GRIK2: variants seen among roughly 807,000 people sequenced by gnomAD.
GRIK2 encodes the protein glutamate ionotropic receptor kainate type subunit 2, also known as glutamate receptor ionotropic, kainate 2.
A neutral mutation model predicts 100.3 loss-of-function variants in GRIK2; 32 were observed. The ratio of observed to expected loss-of-function variants is 0.32; its 90% CI spans 0.24 to 0.43. GRIK2 has a LOEUF of 0.43. GRIK2 is among the 20% of genes least tolerant of loss of function. GRIK2 has a pLI of 1.00. For synonymous variants in GRIK2, 417 were observed against 389.4 expected (o/e 1.07, Z -0.83); for missense variants, 843 against 1,114.9 (o/e 0.76, Z 3.47).
At chr6:101,831,953 T>A (rs200714877) in intron 10 of GRIK2, among the ~76,000 whole-genome samples, 1 of 152,106 alleles carries the variant, frequency 6.6e-6, no homozygotes, top group African/African-American at 2.4e-5. Context: ...TTTAGATTAG[T>A]GGTGGTATTT....
At chr6:101,487,910 T>G (rs1253481599) in intron 2 of GRIK2, among the ~76,000 whole-genome samples, 1 of 146,476 alleles carries the variant, frequency 6.8e-6, no homozygotes, top group African/African-American at 2.6e-5. Context: ...TTATTTTATT[T>G]TATTAGCAGA....
intron 14 of GRIK2, among the ~76,000 whole-genome samples, chr6:101,994,738 A>AT (rs922021534): frequency 2.6e-5 from 4 of 151,706 alleles, no homozygotes; most frequent in South Asian, 2.1e-4. Flanking sequence ...CATATGCCCC[A>AT]TTTTTTCCAG....
At chr6:101,752,472 G>A (rs1776854208) in intron 7 of GRIK2, among the ~76,000 whole-genome samples, 1 of 151,938 alleles carries the variant, frequency 6.6e-6, no homozygotes, top group African/African-American at 2.4e-5. Context: ...CTTAGTCACA[G>A]TTCATAGGCT....
intron 15 of GRIK2, among the ~76,000 whole-genome samples, chr6:102,045,383 CT>C (rs1770829233): frequency 6.6e-6 from 1 of 152,086 alleles, no homozygotes; most frequent in South Asian, 2.1e-4. Context: ...TCTCTCTTCT[CT>C]TTCCATCTAC....
intron 7 of GRIK2, among the ~76,000 whole-genome samples, chr6:101,748,915 T>G (rs894208321): frequency 3.3e-5 from 5 of 152,182 alleles, no homozygotes; most frequent in Non-Finnish European, 7.3e-5. Flanking sequence ...AGCCTGACAG[T>G]AAATACTAAA....
At chr6:101,838,761 C>G (rs534803171) in intron 10 of GRIK2, among the ~76,000 whole-genome samples, 1 of 151,434 alleles carries the variant, frequency 6.6e-6, no homozygotes, top group South Asian at 2.1e-4. Context: ...CAGCAATTCT[C>G]GTGCCTCAGC....
At chr6:101,770,716 A>G (rs1403961987) in intron 7 of GRIK2, among the ~76,000 whole-genome samples, 5 of 152,156 alleles carry the variant, frequency 3.3e-5, no homozygotes, top group African/African-American at 4.8e-5. Flanking sequence ...GCAGTGTACC[A>G]TTAAAGTTTT....
intron 2 of GRIK2, among the ~76,000 whole-genome samples, chr6:101,425,179 C>T (rs559796632): frequency 9.9e-4 from 150 of 152,152 alleles, no homozygotes; most frequent in African/African-American, 3.4e-3. Context: ...TGGTATATAC[C>T]CAGTAATGGG....
chr6:101,582,889 C>G (rs1284902288), intron 2 of GRIK2, among the ~76,000 whole-genome samples: 1 of 150,830 alleles, frequency 6.6e-6, no homozygotes, highest in Non-Finnish European at 1.5e-5. Flanking sequence ...TAACCTCTTT[C>G]TTGTCCATAG....
At chr6:102,005,403 C>G (rs1444086977) in intron 14 of GRIK2, among the ~76,000 whole-genome samples, 1 of 151,852 alleles carries the variant, frequency 6.6e-6, no homozygotes, top group Admixed American at 6.6e-5. Flanking sequence ...TGATATTATA[C>G]AATTTAAGTG....
intron 7 of GRIK2, among the ~76,000 whole-genome samples, chr6:101,785,710 GTTA>G (rs759073282): frequency 2.0e-4 from 30 of 152,184 alleles, no homozygotes; most frequent in Non-Finnish European, 3.8e-4. Flanking sequence ...TGCTGTTTTA[GTTA>G]TTATAGCCTT....
chr6:102,040,354 CAAT>C (rs1029895010), intron 15 of GRIK2, among the ~76,000 whole-genome samples: 1 of 151,292 alleles, frequency 6.6e-6, no homozygotes, highest in African/African-American at 2.4e-5. Context: ...TGCTTTAAAA[CAAT>C]ATTATCTATG....
chr6:101,522,429 G>C (rs534847819), intron 2 of GRIK2, among the ~76,000 whole-genome samples: 1 of 152,084 alleles, frequency 6.6e-6, no homozygotes, highest in Non-Finnish European at 1.5e-5. Flanking sequence ...CAAGCCTATC[G>C]TGGATTGACA....
rs368733069 is a variant in GRIK2, at chr6:101,858,556, T to A, written c.1318-731T>A. 2.7e-4 allele frequency among the ~76,000 whole-genome samples: 41 copies of A among 150,762 alleles called. No individual in the cohort carries two copies. The East Asian group carries it at 6.8e-3, about 25-fold the overall frequency. ...CGCCCGCCACTACGCCCAGCTAATT[T>A]TTTTTGTATTTTTTAGTAGAGATGG... On this transcript the variant is annotated intron_variant, in intron 10 of 16. Transcript: ENST00000369134.
chr6:101,995,475 C>A (rs925525550), intron 14 of GRIK2, among the ~76,000 whole-genome samples: 1 of 151,816 alleles, frequency 6.6e-6, no homozygotes, highest in Non-Finnish European at 1.5e-5. Context: ...GATATTGACT[C>A]TTTCATCCAG....
At position 101,912,955 on chromosome 6, in the gene GRIK2, T is replaced by G. The variant is rs542710444; in HGVS notation, c.1749-11646T>G. On this transcript the variant is annotated intron_variant, in intron 12 of 16. Transcript: ENST00000369134. ...AATAATCATTCTGATATTTTGTTTA[T>G]TTTTCAGAAAAATATGTTACTCGAT... is the stretch of plus-strand genomic sequence containing the variant. Among the ~76,000 whole-genome samples the G allele has an allele frequency of 1.1e-3, 164 of 151,690 alleles. 1 individual carries two copies. Among genetic ancestry groups the G allele is most frequent in the Middle Eastern group, 3.4e-3 (1 of 294 alleles).
chr6:101,414,025 T>A (rs1368325866), intron 2 of GRIK2, among the ~76,000 whole-genome samples: 2 of 148,438 alleles, frequency 1.3e-5, no homozygotes, highest in Admixed American at 1.3e-4. Context: ...ACCAATAATT[T>A]GAAAATAAAA....
intron 4 of GRIK2, among the ~76,000 whole-genome samples, chr6:101,661,097 C>G (rs1769577698): frequency 6.6e-6 from 1 of 152,158 alleles, no homozygotes; most frequent in South Asian, 2.1e-4. Context: ...CCCTCAGGTG[C>G]TCTGTCTAGG....
At chr6:101,843,695 T>C (rs967965166) in intron 10 of GRIK2, among the ~76,000 whole-genome samples, 1 of 152,202 alleles carries the variant, frequency 6.6e-6, no homozygotes, top group Non-Finnish European at 1.5e-5. Context: ...AGTTGTTTTT[T>C]GCTTTGTTTC....
Sources: gnomAD v4.1 joint callset for allele counts (sites outside exome capture counted in the v4.1 genomes callset) on GRCh38, gnomAD v4.1.1 for gene constraint, MANE v1.5 for transcripts, NCBI Gene and HGNC (gene_info 2026-07-23, HGNC 2026-07-21) for gene names.